LAMA5: variants seen among roughly 807,000 people sequenced by gnomAD.
LAMA5 encodes the protein laminin subunit alpha 5.
In LAMA5, 260 loss-of-function variants were observed where a neutral mutation model predicts 433.4. The ratio of observed to expected loss-of-function variants is 0.60; its 90% CI spans 0.54 to 0.66. LAMA5 has a LOEUF of 0.66. Among genes scored for constraint, LAMA5 ranks in the 30% least tolerant of loss-of-function variants. LAMA5 has a pLI of 0.00. For synonymous variants in LAMA5, 2,620 were observed against 2,226.6 expected, an observed-to-expected ratio of 1.18 and a Z score of -4.97; for missense variants, 5,378 against 5,258.5, an observed-to-expected ratio of 1.02 and a Z score of -0.70.
Position 62,318,845 on chromosome 20 carries a change from C to G in LAMA5, c.7040G>C (p.Arg2347Thr). 6.2e-6 allele frequency: 10 copies of G among 1,610,246 alleles called. No individual in the cohort carries two copies. Among genetic ancestry groups the G allele is most frequent in the Non-Finnish European group, 7.6e-6 (9 of 1,179,334 alleles). ...CTGCCAGGGACAACACCACTCACAT[C>G]TCTGTGCTGCAGCCAACTCAGCCTC... Reference protein sequence around the residue: ...AAEAELAAAQRLLARVQEQLS... With the variant: ...AAEAELAAAQTLLARVQEQLS... The change falls in exon 52 of 80, where the codon AGA becomes ACA. Residue 2347 changes from arginine (R) to threonine (T), a missense_variant and splice_region_variant. By Grantham distance (71) the Arg-to-Thr change is moderately conservative. Coordinates refer to ENST00000252999, the MANE Select transcript of LAMA5 (RefSeq NM_005560.6).
intron 25 of LAMA5, 41 bp from the exon 26 acceptor site, chr20:62,333,284 G>C (rs1980842335): frequency 6.3e-7 from 1 of 1,586,792 alleles, no homozygotes; most frequent in African/African-American, 1.3e-5. Flanking sequence ...GGTCCACCCA[G>C]GTCCCCAGAG....
chr20:62,333,414 G>A lies in LAMA5; in HGVS notation c.3089C>T (p.Ala1030Val). The A allele has an allele frequency of 1.2e-6, 2 of 1,612,740 alleles. No individual in the cohort carries two copies. The highest frequency in any genetic ancestry group is 1.7e-6 in the Non-Finnish European group (2 of 1,179,898). Residue 1030 changes from alanine (A) to valine (V), a missense_variant, in exon 25 of 80, where the codon GCC becomes GTC. Coordinates refer to ENST00000252999, the MANE Select transcript of LAMA5 (RefSeq NM_005560.6). ...AALLQLRVTE[A>V]CTYRPSAQQS... ...CTGGGCAGAGGGACGGTATGTGCAG[G>A]CCTCAGTCACCCGCAGCTGCAGGAG...
intron 1 of LAMA5, among the ~76,000 whole-genome samples, chr20:62,366,101 GTGGGGCTGAGGTGGGGAA>G (rs1337081093): frequency 1.3e-5 from 2 of 152,212 alleles, no homozygotes; most frequent in African/African-American, 4.8e-5. Context: ...TCTCCCTAAG[GTGGGGCTGAGGTGGGGAA>G]TGGGCCTAGA....
intron 2 of LAMA5, among the ~76,000 whole-genome samples, chr20:62,361,194 G>A (rs1986095132): frequency 6.6e-6 from 1 of 152,004 alleles, no homozygotes; most frequent in Non-Finnish European, 1.5e-5. Context: ...GGACAGGGGA[G>A]TCAGATGCGG....
intron 48 of LAMA5, among the ~76,000 whole-genome samples, chr20:62,321,380 G>C (rs552507536): frequency 4.2e-5 from 1 of 23,818 alleles, no homozygotes; most frequent in Non-Finnish European, 9.1e-5. Context: ...GGTCAGTGGA[G>C]GGGTGGGGTC....
chr20:62,322,582 C>T lies in LAMA5; in HGVS notation c.6165+76G>A, dbSNP rs1042587143. On this transcript the variant is annotated intron_variant, in intron 46 of 79. Transcript: ENST00000252999. ...ATCAAACACTGCCCCTCAGCCCCAC[C>T]TATCAGATTCTCCCCAGGCCCCAAC... is the stretch of plus-strand genomic sequence containing the variant. The T allele has an allele frequency of 1.3e-5, 19 of 1,423,252 alleles. No individual in the cohort carries two copies. The African/African-American group carries it at 2.1e-4, about 16-fold the overall frequency. The allele number at this position is 1,423,252 out of a possible 1,614,324, so 88.2% of individuals were successfully genotyped here. A position where few individuals can be genotyped will look rare whatever the true frequency, so the allele number is the denominator to read the frequency against.
chr20:62,312,761 C>A lies in LAMA5; in HGVS notation c.9098G>T (p.Gly3033Val). Residue 3033 changes from glycine to valine, a missense_variant, in exon 67 of 80, where the codon GGG becomes GTG. Physicochemically the swap from Gly to Val is moderately radical, Grantham distance 109. Coordinates refer to ENST00000252999, the MANE Select transcript of LAMA5 (RefSeq NM_005560.6). Reference protein sequence around the residue: ...ASKAIQVFLLGGSRKRVLVRV... With the variant: ...ASKAIQVFLLVGSRKRVLVRV... ...CACCAGCACACGCTTGCGGCTGCCC[C>A]CCAGCAGGAACACCTGGATCTACAG... 6.3e-7 allele frequency: 1 copy of A among 1,590,196 alleles called. No homozygotes were observed. The highest frequency in any genetic ancestry group is 1.3e-5 in the African/African-American group (1 of 74,140).
chr20:62,330,240 C>A (rs573038311), intron 31 of LAMA5, among the ~76,000 whole-genome samples: 1 of 152,270 alleles, frequency 6.6e-6, no homozygotes, highest in Admixed American at 6.5e-5. Context: ...GCCCTCAATT[C>A]GCCACGTGCC....
chr20:62,311,370 A>C (rs1986251287), intron 72 of LAMA5, 31 bp downstream of exon 72: 1 of 1,530,470 alleles, frequency 6.5e-7, no homozygotes, highest in Non-Finnish European at 8.8e-7. Flanking sequence ...CAGCCACCCC[A>C]GCTCTGCCTG....
At position 62,320,735 on chromosome 20, in the gene LAMA5, G is replaced by C. The variant is rs772618197; in HGVS notation, c.6648+4C>G. The C allele has an allele frequency of 1.4e-4, 229 of 1,612,508 alleles. No individual in the cohort carries two copies. The highest frequency in any genetic ancestry group is 9.6e-5 in the Non-Finnish European group (113 of 1,179,894). On this transcript the variant is annotated splice_donor_region_variant and intron_variant, in intron 49 of 79. Coordinates refer to ENST00000252999, the MANE Select transcript of LAMA5 (RefSeq NM_005560.6). ...TGGGGAGGGAAGGCCAGGACGCTCA[G>C]TACCTGCAGGTCAGCGATGGAGGCG...
chr20:62,322,632 C>CCCCCCCCCGTA, intron 46 of LAMA5, 26 bp downstream of exon 46: 1 of 1,406,366 alleles, frequency 7.1e-7, no homozygotes, highest in Non-Finnish European at 9.8e-7. Flanking sequence ...CCCACCCACC[C>CCCCCCCCCGTA]AGCCCTGCTT....
chr20:62,310,139 G>A lies in LAMA5; in HGVS notation c.10734+39C>T, dbSNP rs374076590. The A allele has an allele frequency of 1.7e-5, 28 of 1,611,502 alleles. No individual in the cohort carries two copies. In the African/African-American group the frequency reaches 2.9e-4, roughly 17 times the overall value. Reference sequence around the variant, plus strand: ...CCCCCGAGGTCACCAGAATGGGGAGGCAAACCCTGCCCTGGCACGCCACCT... The same window carrying A: ...CCCCCGAGGTCACCAGAATGGGGAGACAAACCCTGCCCTGGCACGCCACCT... On this transcript the variant is annotated intron_variant, in intron 77 of 79. Transcript: ENST00000252999.
intron 31 of LAMA5, 138 bp downstream of exon 31, chr20:62,330,341 TGCAAGGGCA>T: frequency 3.3e-6 from 4 of 1,210,922 alleles, no homozygotes; most frequent in Non-Finnish European, 4.4e-6. Flanking sequence ...GGCTGCGGGC[TGCAAGGGCA>T]GCTAGTTTGA....
In LAMA5 at chr20:62,311,278, C is replaced by A; in HGVS notation, c.9972G>T (p.Arg3324=). Residue 3324 remains arginine (R), a synonymous_variant, in exon 73 of 80, where the codon CGG becomes CGT. Transcript: ENST00000252999. ...KASRRSRQPA[R]HPACMLPPHL... is the part of the protein sequence containing the mutation. ...GTGGGGGCAGCATGCAGGCAGGATG[C>A]CGGGCGGGCTGACGGCTGCGGCGGG... 6.3e-7 allele frequency: 1 copy of A among 1,597,004 alleles called. No homozygotes were observed.
intron 75 of LAMA5, 21 bp from the exon 76 acceptor site, chr20:62,310,593 G>A (rs746205475): frequency 6.4e-7 from 1 of 1,568,544 alleles, no homozygotes; most frequent in Non-Finnish European, 8.6e-7. Flanking sequence ...AGACCGGGCA[G>A]GGATCAGGGC....
intron 11 of LAMA5, among the ~76,000 whole-genome samples, chr20:62,343,985 A>T (rs1279291071): frequency 6.6e-6 from 1 of 151,780 alleles, no homozygotes; most frequent in Non-Finnish European, 1.5e-5. Context: ...TCTCTACTAA[A>T]AATACAAAAT....
rs1981620196 is a variant in LAMA5, at chr20:62,336,320, A to G, written c.2323+20T>C. ...TTCCCCAAGGAACCCCTGTACCCCAATACTCCAGGGCACACTCACGGGTAC... is the reference window on the plus strand; with the variant it reads ...TTCCCCAAGGAACCCCTGTACCCCAGTACTCCAGGGCACACTCACGGGTAC... On this transcript the variant is annotated intron_variant, in intron 18 of 79. Coordinates refer to ENST00000252999, the MANE Select transcript of LAMA5 (RefSeq NM_005560.6). The G allele has an allele frequency of 6.5e-6, 10 of 1,538,602 alleles. No homozygotes were observed. Among genetic ancestry groups the G allele is most frequent in the Middle Eastern group, 3.4e-4 (2 of 5,816 alleles).
At chr20:62,353,780 C>T (rs1346073466) in intron 2 of LAMA5, among the ~76,000 whole-genome samples, 1 of 152,148 alleles carries the variant, frequency 6.6e-6, no homozygotes, top group African/African-American at 2.4e-5. Flanking sequence ...GCCCCTGCCC[C>T]CACCTCACAC....
At chr20:62,315,879 TG>T in intron 58 of LAMA5, 68 bp downstream of exon 58, 2 of 1,200,894 alleles carry the variant, frequency 1.7e-6, no homozygotes, top group Non-Finnish European at 2.4e-6. Context: ...CAACCACATG[TG>T]GCCAGCGCCA....
Sources: allele counts gnomAD v4.1 joint callset (sites outside exome capture counted in the v4.1 genomes callset), GRCh38; gene constraint gnomAD v4.1.1; transcripts MANE v1.5; gene names NCBI Gene and HGNC (gene_info 2026-07-23, HGNC 2026-07-21).